The following SRGAP2C variants were observed in gnomAD, a reference collection of about 807,000 sequenced individuals.
SRGAP2C encodes the protein SLIT-ROBO Rho GTPase activating protein 2C.
A neutral mutation model predicts 25.1 loss-of-function variants in SRGAP2C; 15 were observed. The ratio of observed to expected loss-of-function variants is 0.60; its 90% CI spans 0.40 to 0.92. SRGAP2C has a LOEUF of 0.92. SRGAP2C is among the 40% of genes least tolerant of loss of function. SRGAP2C has a pLI of 0.00. For missense variants in SRGAP2C, 144 were observed against 264.4 expected, an observed-to-expected ratio of 0.54 and a Z score of 3.16; for synonymous variants, 44 against 96.6, an observed-to-expected ratio of 0.46 and a Z score of 3.19.
chr1:121,258,400 G>A (rs1553332879), intron 2 of SRGAP2C, among the ~76,000 whole-genome samples: 4 of 148,636 alleles, frequency 2.7e-5, no homozygotes, highest in African/African-American at 1.0e-4. Flanking sequence ...TCCTGTTGAA[G>A]TTCCAGGATT....
At chr1:121,387,505 G>A (rs1481045794) in intron 9 of SRGAP2C, 129 bp from the exon 10 acceptor site, 1 of 625,948 alleles carries the variant, frequency 1.6e-6, no homozygotes, top group East Asian at 2.8e-5. Flanking sequence ...GCACTGTCCA[G>A]TGGGAAGCAG....
At chr1:121,313,907 G>T (rs1352301014) in intron 3 of SRGAP2C, among the ~76,000 whole-genome samples, 7 of 138,988 alleles carry the variant, frequency 5.0e-5, no homozygotes, top group African/African-American at 1.9e-4. Context: ...ATGTGTCTTC[G>T]AGTTGCTCTT....
intron 4 of SRGAP2C, among the ~76,000 whole-genome samples, chr1:121,329,863 G>A (rs1658396562): frequency 1.3e-5 from 2 of 152,166 alleles, no homozygotes. Context: ...TAGGACAAGA[G>A]GGAAAATTGA....
At chr1:121,300,012 TC>T (rs1303145129) in intron 3 of SRGAP2C, among the ~76,000 whole-genome samples, 1 of 135,898 alleles carries the variant, frequency 7.4e-6, no homozygotes, top group African/African-American at 2.8e-5. Flanking sequence ...ATTGACTTCC[TC>T]CCCTCCTTCT....
At chr1:121,263,410 G>A (rs1334505539) in intron 2 of SRGAP2C, among the ~76,000 whole-genome samples, 8 of 112,854 alleles carry the variant, frequency 7.1e-5, no homozygotes, top group East Asian at 2.8e-4. Context: ...CAGCCTGGGC[G>A]ACAGAGTGAG....
intron 7 of SRGAP2C, among the ~76,000 whole-genome samples, chr1:121,377,094 C>G (rs1659678575): frequency 1.4e-5 from 2 of 142,420 alleles, no homozygotes; most frequent in African/African-American, 5.1e-5. Flanking sequence ...GTATTTTGTA[C>G]CTTATTTTCA....
At chr1:121,289,342 G>C (rs1262133185) in intron 3 of SRGAP2C, among the ~76,000 whole-genome samples, 1 of 150,868 alleles carries the variant, frequency 6.6e-6, no homozygotes, top group Non-Finnish European at 1.5e-5. Flanking sequence ...GCAGCCACTG[G>C]CCCGGGTGCT....
At chr1:121,371,018 C>A (rs1659472879) in intron 5 of SRGAP2C, among the ~76,000 whole-genome samples, 1 of 151,912 alleles carries the variant, frequency 6.6e-6, no homozygotes, top group Non-Finnish European at 1.5e-5. Flanking sequence ...GGGAGCAGAG[C>A]TAAATATGTG....
intron 5 of SRGAP2C, among the ~76,000 whole-genome samples, chr1:121,370,411 TC>T (rs1659449576): frequency 6.9e-6 from 1 of 144,108 alleles, no homozygotes; most frequent in African/African-American, 2.6e-5. Flanking sequence ...GGAGAGGGGA[TC>T]TTGGGGCCTC....
chr1:121,327,019 TGA>T (rs1658327778), intron 4 of SRGAP2C, among the ~76,000 whole-genome samples: 1 of 150,246 alleles, frequency 6.7e-6, no homozygotes, highest in African/African-American at 2.5e-5. Context: ...CCAGGGTTGT[TGA>T]ATGGCCAATG....
At chr1:121,347,786 T>G (rs1298737288) in intron 4 of SRGAP2C, among the ~76,000 whole-genome samples, 2 of 151,806 alleles carry the variant, frequency 1.3e-5, no homozygotes, top group African/African-American at 2.4e-5. Flanking sequence ...AATGTTCTCG[T>G]TAAATATGGC....
chr1:121,378,913 G>A (rs587661997), intron 7 of SRGAP2C, among the ~76,000 whole-genome samples: 2 of 152,316 alleles, frequency 1.3e-5, no homozygotes, highest in South Asian at 4.1e-4. Context: ...TGCCACACTG[G>A]GGAAACCTTG....
rs587708031 is a variant in SRGAP2C, at chr1:121,258,627, G to A, written c.68-26176G>A. On this transcript the variant is annotated intron_variant, in intron 2 of 9. Coordinates refer to ENST00000367123, the MANE Select transcript of SRGAP2C (RefSeq NM_001329984.2). ...ATTACAGGCATGTGCCACCACACCC[G>A]GCTAATTTTTGTATTTTTAGTAGAG... Among the ~76,000 whole-genome samples, 6 of 149,480 alleles carry A rather than the reference G, an allele frequency of 4.0e-5. No individual in the cohort carries two copies. In the East Asian group the frequency reaches 9.9e-4, roughly 25 times the overall value.
At chr1:121,277,410 T>A (rs1657130474) in intron 2 of SRGAP2C, among the ~76,000 whole-genome samples, 2 of 151,672 alleles carry the variant, frequency 1.3e-5, no homozygotes, top group South Asian at 4.2e-4. Context: ...GTATCTTTTA[T>A]TTTATTTATT....
intron 3 of SRGAP2C, among the ~76,000 whole-genome samples, chr1:121,308,898 C>T (rs1657912333): frequency 7.5e-6 from 1 of 133,656 alleles, no homozygotes; most frequent in Non-Finnish European, 1.6e-5. Context: ...GAGATCGCAC[C>T]ATTGCACTCT....
intron 3 of SRGAP2C, among the ~76,000 whole-genome samples, chr1:121,312,276 T>TTC (rs1657981558): frequency 2.1e-5 from 1 of 48,156 alleles, no homozygotes; most frequent in Non-Finnish European, 4.2e-5. Flanking sequence ...TGATATCCCC[T>TTC]TTATCATTTT....
intron 2 of SRGAP2C, among the ~76,000 whole-genome samples, chr1:121,263,390 C>A (rs587632182): frequency 1.6e-4 from 21 of 129,616 alleles, no homozygotes; most frequent in African/African-American, 6.1e-4. Context: ...GAGATCACAC[C>A]ACTGCACTCC....
chr1:121,295,719 A>G (rs1241362719), intron 3 of SRGAP2C, among the ~76,000 whole-genome samples: 2 of 151,230 alleles, frequency 1.3e-5, no homozygotes, highest in Admixed American at 1.3e-4. Flanking sequence ...AGAAATAGAG[A>G]GGGGCTTTTT....
chr1:121,385,179 C>A (rs1659932153), intron 8 of SRGAP2C, among the ~76,000 whole-genome samples: 1 of 137,938 alleles, frequency 7.2e-6, no homozygotes, highest in Non-Finnish European at 1.5e-5. Flanking sequence ...AGCATTTTGA[C>A]CGGAAGCCTT....
Sources: allele counts gnomAD v4.1 joint callset (sites outside exome capture counted in the v4.1 genomes callset), GRCh38; gene constraint gnomAD v4.1.1; transcripts MANE v1.5; gene names NCBI Gene and HGNC (gene_info 2026-07-23, HGNC 2026-07-21).